UBR1: variants seen among roughly 807,000 people sequenced by gnomAD.
UBR1 encodes E3 ubiquitin-protein ligase UBR1.
In UBR1, 102 loss-of-function variants were observed where a neutral mutation model predicts 242.1. The observed-to-expected ratio is 0.42, with a 90% CI of 0.36 to 0.50. UBR1 has a LOEUF of 0.50. Ranked by LOEUF, UBR1 falls within the 20% of genes least tolerant of loss-of-function variation. The pLI is 0.01. For missense variants in UBR1, 1,772 were observed against 2,101.8 expected (o/e 0.84, Z 3.07); for synonymous variants, 675 against 684.8 (o/e 0.99, Z 0.22).
Position 43,079,544 on chromosome 15 carries a change from A to C in UBR1, c.417+3094T>G, listed in dbSNP as rs192725210. 1.9e-3 allele frequency among the ~76,000 whole-genome samples: 293 copies of C among 151,892 alleles called. 7 individuals are homozygous for C. The South Asian group carries it at 0.037, about 19-fold the overall frequency. ...CCTGTAATTCCAGCACTTTGGGAGG[A>C]CGAGGCGGGTGGATCATGAGGTCAG... On this transcript the variant is annotated intron_variant, in intron 3 of 46. Coordinates refer to ENST00000290650, the MANE Select transcript of UBR1 (RefSeq NM_174916.3).
intron 21 of UBR1, among the ~76,000 whole-genome samples, chr15:43,029,558 G>T (rs1472611583): frequency 6.6e-6 from 1 of 152,160 alleles, no homozygotes; most frequent in Non-Finnish European, 1.5e-5. Flanking sequence ...ATTTCACTGG[G>T]AATCAGATTG....
chr15:43,017,238 A>G, intron 27 of UBR1, 57 bp from the exon 28 acceptor site: 1 of 1,196,662 alleles, frequency 8.4e-7, no homozygotes. Flanking sequence ...ACCGACCAGG[A>G]ACAGAAACAT....
intron 39 of UBR1, among the ~76,000 whole-genome samples, chr15:42,971,372 G>C (rs534927112): frequency 4.6e-5 from 7 of 152,150 alleles, no homozygotes; most frequent in Non-Finnish European, 1.0e-4. Flanking sequence ...AACCCTTCCA[G>C]CAACTGCCAA....
Position 42,943,813 on chromosome 15 carries a change from C to T in UBR1, c.*1516G>A, listed in dbSNP as rs931999613. On this transcript the variant is annotated 3_prime_UTR_variant, in exon 47 of 47. Transcript: ENST00000290650. The stretch of plus-strand genomic sequence containing the variant: ...ACCTGTTATTGTTACAAATTGTTCA[C>T]TAGACATGTATCTATTTATCCAGAT... 6.6e-6 allele frequency: 1 copy of T among 152,292 alleles called. No individual in the cohort carries two copies. Among genetic ancestry groups the T allele is most frequent in the Non-Finnish European group, 1.5e-5 (1 of 68,042 alleles). The allele number at this position is 152,292 out of a possible 1,614,324, so 9.4% of individuals were successfully genotyped here. A position where few individuals can be genotyped will look rare whatever the true frequency, so the allele number is the denominator to read the frequency against.
At position 43,021,351 on chromosome 15, in the gene UBR1, A is replaced by T. The variant is rs770159784; in HGVS notation, c.2864T>A (p.Ile955Lys). ...TTTGAGTTTTTCCAAAAGCATTTGT[A>T]TATTCATGGCTGAACTTCCCAATCC... is the stretch of plus-strand genomic sequence containing the variant. ...ASRLGSSAMN[I>K]QMLLEKLKGI... is the part of the protein sequence containing the mutation. The change falls in exon 27 of 47, where the codon ATA becomes AAA. Residue 955 changes from isoleucine (I) to lysine (K), a missense_variant. Physicochemically the swap from Ile to Lys is moderately radical, Grantham distance 102. Coordinates refer to ENST00000290650, the MANE Select transcript of UBR1 (RefSeq NM_174916.3). The T allele has an allele frequency of 1.2e-6, 2 of 1,613,720 alleles. No homozygotes were observed. Among genetic ancestry groups the T allele is most frequent in the Admixed American group, 3.3e-5 (2 of 60,008 alleles).
At chr15:42,987,440 G>A (rs950862769) in intron 35 of UBR1, among the ~76,000 whole-genome samples, 1 of 152,230 alleles carries the variant, frequency 6.6e-6, no homozygotes, top group African/African-American at 2.4e-5. Context: ...TCAAGGCCGG[G>A]TGTGGTGGCT....
At chr15:42,965,379 C>A (rs1381682936) in intron 41 of UBR1, among the ~76,000 whole-genome samples, 1 of 152,090 alleles carries the variant, frequency 6.6e-6, no homozygotes, top group African/African-American at 2.4e-5. Flanking sequence ...AGAAGGTGAT[C>A]CTATTGCTTA....
intron 29 of UBR1, among the ~76,000 whole-genome samples, chr15:43,014,295 A>G (rs139804499): frequency 2.6e-5 from 4 of 151,850 alleles, no homozygotes; most frequent in Admixed American, 6.6e-5. Flanking sequence ...GCCTCTGCCC[A>G]GCCGCCACCC....
intron 1 of UBR1, 66 bp downstream of exon 1, chr15:43,105,876 A>T (rs2034290750): frequency 1.3e-6 from 2 of 1,485,688 alleles, no homozygotes; most frequent in Admixed American, 1.7e-5. Flanking sequence ...GAAGCCCCAC[A>T]TCCTCCTAAG....
intron 15 of UBR1, among the ~76,000 whole-genome samples, chr15:43,041,614 A>G (rs1248219332): frequency 6.6e-6 from 1 of 152,282 alleles, no homozygotes; most frequent in East Asian, 1.9e-4. Context: ...AAACAAAAAA[A>G]AATTAGATTT....
chr15:43,095,378 G>A (rs1271774669), intron 1 of UBR1, among the ~76,000 whole-genome samples: 3 of 152,128 alleles, frequency 2.0e-5, no homozygotes, highest in African/African-American at 7.2e-5. Flanking sequence ...TTATATTCAA[G>A]TGAGTAACAG....
chr15:43,025,017 C>T (rs776480279), intron 24 of UBR1, 34 bp from the exon 25 acceptor site: 4 of 1,610,780 alleles, frequency 2.5e-6, no homozygotes, highest in African/African-American at 1.3e-5. Context: ...GGGAAAGAGA[C>T]AAACAGGTAC....
intron 6 of UBR1, among the ~76,000 whole-genome samples, chr15:43,061,776 A>G (rs553601230): frequency 6.9e-6 from 1 of 143,984 alleles, no homozygotes; most frequent in South Asian, 2.5e-4. Context: ...CAAAGGCATA[A>G]GAATGATACA....
At chr15:43,066,607 T>C (rs2033755378) in intron 6 of UBR1, among the ~76,000 whole-genome samples, 1 of 152,220 alleles carries the variant, frequency 6.6e-6, no homozygotes, top group Non-Finnish European at 1.5e-5. Flanking sequence ...TGGAATGTTT[T>C]TTCCCATTTG....
intron 27 of UBR1, among the ~76,000 whole-genome samples, chr15:43,020,518 C>T (rs1165760724): frequency 1.3e-5 from 2 of 152,234 alleles, no homozygotes; most frequent in Non-Finnish European, 2.9e-5. Flanking sequence ...CTAACAGTTT[C>T]CTTACTTGTA....
chr15:43,075,906 T>C (rs1376102923), intron 3 of UBR1, among the ~76,000 whole-genome samples: 1 of 152,042 alleles, frequency 6.6e-6, no homozygotes, highest in Non-Finnish European at 1.5e-5. Context: ...TAAGCCACCA[T>C]GCCCAACCTG....
At chr15:43,074,604 ATTTT>A (rs1350181892) in intron 4 of UBR1, among the ~76,000 whole-genome samples, 2 of 151,988 alleles carry the variant, frequency 1.3e-5, no homozygotes, top group Admixed American at 6.6e-5. Flanking sequence ...TAATTTTTGT[ATTTT>A]TAGTAGAGAC....
At chr15:42,978,660 A>C (rs2032325803) in intron 37 of UBR1, among the ~76,000 whole-genome samples, 1 of 152,176 alleles carries the variant, frequency 6.6e-6, no homozygotes, top group African/African-American at 2.4e-5. Flanking sequence ...CATCACATAA[A>C]TAAAGCTGTT....
At chr15:43,058,099 G>A (rs531825402) in intron 10 of UBR1, among the ~76,000 whole-genome samples, 107 of 151,954 alleles carry the variant, frequency 7.0e-4, no homozygotes, top group African/African-American at 2.3e-3. Context: ...TAGTAGAGAC[G>A]GGGTTTCACC....
Sources: gnomAD v4.1 joint callset for allele counts (sites outside exome capture counted in the v4.1 genomes callset) on GRCh38, gnomAD v4.1.1 for gene constraint, MANE v1.5 for transcripts, NCBI Gene and HGNC (gene_info 2026-07-23, HGNC 2026-07-21) for gene names.